The following TNFRSF11A variants were observed in gnomAD, a reference collection of about 807,000 sequenced individuals.
The protein encoded by TNFRSF11A is tumor necrosis factor receptor superfamily member 11A.
Under a neutral mutation model 55.7 loss-of-function variants are expected in TNFRSF11A, and 32 were observed. The observed-to-expected ratio is 0.57, with a 90% CI of 0.43 to 0.77. The LOEUF (loss-of-function observed/expected upper bound fraction) is 0.77, where lower values mean the gene tolerates loss of function less well. Ranked by LOEUF, TNFRSF11A falls within the 30% of genes least tolerant of loss-of-function variation. The pLI, the probability that TNFRSF11A is intolerant of heterozygous loss-of-function variation, is 0.00. For synonymous variants in TNFRSF11A, 311 were observed against 331.0 expected, an observed-to-expected ratio of 0.94 and a Z score of 0.65; for missense variants, 753 against 809.8, an observed-to-expected ratio of 0.93 and a Z score of 0.85.
chr18:62,381,682 A>T (rs1218953571), intron 9 of TNFRSF11A, among the ~76,000 whole-genome samples: 1 of 152,220 alleles, frequency 6.6e-6, no homozygotes, highest in Admixed American at 6.5e-5. Flanking sequence ...GTCATGGTGT[A>T]TATTAAAACT....
Position 62,384,846 on chromosome 18 carries a change from TC to T in TNFRSF11A, c.1664del (p.Ser555CysfsTer121). 5 of 1,610,278 alleles carry T rather than the reference TC, an allele frequency of 3.1e-6. No homozygotes were observed. The highest frequency in any genetic ancestry group is 4.2e-6 in the Non-Finnish European group (5 of 1,178,552). On this transcript the variant is annotated frameshift_variant, in exon 10 of 10. Coordinates refer to ENST00000586569, the MANE Select transcript of TNFRSF11A (RefSeq NM_003839.4). LOFTEE classifies it low-confidence loss of function (END_TRUNC). The stretch of plus-strand genomic sequence containing the variant: ...CATCGTGGTCTACGTCAGCCAGACC[TC>T]GCAGGAGGGCGCGGCGGCGGCTGCG... ...DIIVVYVSQTSQEGAAAAAEP... is the reference protein window; with the variant it reads ...DIIVVYVSQTXQEGAAAAAEP...
At position 62,389,338 on chromosome 18, in the gene TNFRSF11A, C is replaced by T. The variant is rs1320932421; in HGVS notation, c.*4304C>T. ...GCCAGAGAAGAGGAGGGACCTGACA[C>T]TGGGCAGTGGCGGTGCCAGCAGTGA... is the stretch of plus-strand genomic sequence containing the variant. On this transcript the variant is annotated 3_prime_UTR_variant, in exon 10 of 10. Coordinates refer to ENST00000586569, the MANE Select transcript of TNFRSF11A (RefSeq NM_003839.4). The T allele has an allele frequency of 2.0e-5, 3 of 152,382 alleles. No homozygotes were observed. The highest frequency in any genetic ancestry group is 7.2e-5 in the African/African-American group (3 of 41,446). The allele number at this position is 152,382 out of a possible 1,614,324, so 9.4% of individuals were successfully genotyped here.
intron 1 of TNFRSF11A, among the ~76,000 whole-genome samples, chr18:62,347,465 A>AT (rs2046399850): frequency 6.6e-6 from 1 of 152,232 alleles, no homozygotes; most frequent in Non-Finnish European, 1.5e-5. Context: ...TCTTAGAATC[A>AT]TACCGTTTTG....
At chr18:62,329,621 G>A (rs553632810) in intron 1 of TNFRSF11A, among the ~76,000 whole-genome samples, 1 of 152,286 alleles carries the variant, frequency 6.6e-6, no homozygotes, top group East Asian at 1.9e-4. Flanking sequence ...AGGAGCCGTG[G>A]GTTTCAGCAA....
intron 7 of TNFRSF11A, among the ~76,000 whole-genome samples, chr18:62,362,316 C>T (rs143651323): frequency 3.3e-5 from 5 of 151,330 alleles, no homozygotes; most frequent in Non-Finnish European, 5.9e-5. Flanking sequence ...CATGGTGAAA[C>T]CCCATCTGTA....
At chr18:62,366,833 A>C in intron 8 of TNFRSF11A, 73 bp downstream of exon 8, 1 of 1,446,422 alleles carries the variant, frequency 6.9e-7, no homozygotes, top group Non-Finnish European at 9.7e-7. Flanking sequence ...TCCTAGTCAC[A>C]TATTGAGCAC....
chr18:62,335,877 T>G lies in TNFRSF11A; in HGVS notation c.75+10450T>G, dbSNP rs570540009. Among the ~76,000 whole-genome samples the G allele has an allele frequency of 3.9e-5, 6 of 152,322 alleles. No homozygotes were observed. The East Asian group carries it at 1.2e-3, about 29-fold the overall frequency. On this transcript the variant is annotated intron_variant, in intron 1 of 9. Coordinates refer to ENST00000586569, the MANE Select transcript of TNFRSF11A (RefSeq NM_003839.4). ...TCTTTGAGAAAAATTATTTATTAATTTATCAAGTATTTGAATATTTGCTAC... is the reference window on the plus strand; with the variant it reads ...TCTTTGAGAAAAATTATTTATTAATGTATCAAGTATTTGAATATTTGCTAC...
intron 7 of TNFRSF11A, among the ~76,000 whole-genome samples, chr18:62,364,296 C>T (rs1909913252): frequency 6.6e-6 from 1 of 152,028 alleles, no homozygotes; most frequent in Middle Eastern, 3.2e-3. Flanking sequence ...GAGCTAATGG[C>T]ACCGTAGCAG....
intron 3 of TNFRSF11A, among the ~76,000 whole-genome samples, chr18:62,353,343 T>C (rs1191063916): frequency 6.6e-6 from 1 of 152,186 alleles, no homozygotes; most frequent in Non-Finnish European, 1.5e-5. Flanking sequence ...AACACACTTA[T>C]TTTCTCTGTA....
At position 62,369,161 on chromosome 18, in the gene TNFRSF11A, C is replaced by G. The variant is rs759899442; in HGVS notation, c.1244C>G (p.Pro415Arg). 3 of 1,614,126 alleles carry G rather than the reference C, an allele frequency of 1.9e-6. No homozygotes were observed. The highest frequency in any genetic ancestry group is 2.5e-6 in the Non-Finnish European group (3 of 1,180,052). Residue 415 changes from proline to arginine, a missense_variant, in exon 9 of 10, where the codon CCC becomes CGC. Pro to Arg is a moderately radical substitution (Grantham distance 103, BLOSUM62 -2). Transcript: ENST00000586569. ...TEPLCRTDWT[P>R]MSSENYLQKE... ...CCCCTGTGCAGGACTGATTGGACTC[C>G]CATGTCCTCTGAAAACTACTTGCAA...
chr18:62,326,751 G>T (rs1197708185), intron 1 of TNFRSF11A, among the ~76,000 whole-genome samples: 2 of 152,170 alleles, frequency 1.3e-5, no homozygotes, highest in Non-Finnish European at 2.9e-5. Flanking sequence ...GCTGTTTCCC[G>T]TCTTTTTGCC....
rs1911892610 is a variant in TNFRSF11A, at chr18:62,389,006, G to C, written c.*3972G>C. The C allele has an allele frequency of 1.3e-5, 2 of 152,376 alleles. No individual in the cohort carries two copies. Among genetic ancestry groups the C allele is most frequent in the South Asian group, 4.1e-4 (2 of 4,836 alleles). The allele number at this position is 152,376 out of a possible 1,614,324, so 9.4% of individuals were successfully genotyped here. On this transcript the variant is annotated 3_prime_UTR_variant, in exon 10 of 10. Transcript: ENST00000586569. Reference sequence around the variant, plus strand: ...GCTCTTTGACAGTCTCTGATGGCATGTGAGTCTGGTGCATTGCTGTGGGCT... The same window carrying C: ...GCTCTTTGACAGTCTCTGATGGCATCTGAGTCTGGTGCATTGCTGTGGGCT...
At chr18:62,348,573 C>T (rs796200421) in intron 2 of TNFRSF11A, among the ~76,000 whole-genome samples, 18 of 152,350 alleles carry the variant, frequency 1.2e-4, no homozygotes, top group African/African-American at 4.3e-4. Flanking sequence ...CTCAAACTCT[C>T]AAATGTGAAA....
In TNFRSF11A at chr18:62,369,021, C is replaced by G. The variant is rs1455380174; in HGVS notation, c.1104C>G (p.Ser368Arg). The change falls in exon 9 of 10, where the codon AGC (serine) becomes AGG (arginine). Residue 368 changes from serine (S) to arginine (R), a missense_variant. Physicochemically the swap from Ser to Arg is moderately radical, Grantham distance 110 (BLOSUM62 -1). Coordinates refer to ENST00000586569, the MANE Select transcript of TNFRSF11A (RefSeq NM_003839.4). ...TACTGTTCCTCACTGAGCCTGGAAG[C>G]AAATCCACACCTCCTTTCTCTGAAC... Reference protein sequence around the residue: ...DQLLFLTEPGSKSTPPFSEPL... With the variant: ...DQLLFLTEPGRKSTPPFSEPL... 1 of 1,614,214 alleles carries G rather than the reference C, an allele frequency of 6.2e-7. No individual in the cohort carries two copies. The highest frequency in any genetic ancestry group is 1.7e-5 in the Admixed American group (1 of 60,026).
chr18:62,340,515 T>C lies in TNFRSF11A; in HGVS notation c.76-7653T>C, dbSNP rs182763135. Among the ~76,000 whole-genome samples, 1,359 of 151,964 alleles carry C rather than the reference T, an allele frequency of 8.9e-3. 8 individuals are homozygous for C. The highest frequency in any genetic ancestry group is 0.022 in the South Asian group (104 of 4,804). On this transcript the variant is annotated intron_variant, in intron 1 of 9. Transcript: ENST00000586569. ...AAGCTTTTTTTTTTTTAATCAATTA[T>C]AATATTGTTTGTGACAGTTATAGTT... is the stretch of plus-strand genomic sequence containing the variant.
intron 1 of TNFRSF11A, among the ~76,000 whole-genome samples, chr18:62,329,978 G>A (rs1263707440): frequency 1.3e-5 from 2 of 152,208 alleles, no homozygotes; most frequent in Non-Finnish European, 2.9e-5. Context: ...TTTGTTTTGT[G>A]AGCCACCGTC....
intron 9 of TNFRSF11A, among the ~76,000 whole-genome samples, chr18:62,370,253 G>C (rs1235476915): frequency 1.3e-5 from 2 of 152,210 alleles, no homozygotes; most frequent in Non-Finnish European, 2.9e-5. Flanking sequence ...GCAGCTGATA[G>C]TGAGGGCTCT....
chr18:62,358,225 G>GT (rs71160827), intron 4 of TNFRSF11A, 23 bp from the exon 5 acceptor site: 177,003 of 1,383,176 alleles, frequency 0.13, 573 homozygotes, highest in East Asian at 0.23. Flanking sequence ...TGTCTGGGTT[G>GT]TTTTTTTTTT....
intron 1 of TNFRSF11A, among the ~76,000 whole-genome samples, chr18:62,346,447 A>G (rs1397573230): frequency 1.3e-5 from 2 of 152,200 alleles, no homozygotes; most frequent in Admixed American, 1.3e-4. Context: ...CTTTTAAGCA[A>G]TTCTTCCTCA....
Sources: allele counts gnomAD v4.1 joint callset (sites outside exome capture counted in the v4.1 genomes callset), GRCh38; gene constraint gnomAD v4.1.1; transcripts MANE v1.5; gene names NCBI Gene and HGNC (gene_info 2026-07-23, HGNC 2026-07-21).